The following CALCR variants were observed in gnomAD, a reference collection of about 807,000 sequenced individuals.
The protein encoded by CALCR is calcitonin receptor.
Under a neutral mutation model 59.5 loss-of-function variants are expected in CALCR, and 47 were observed. That is an observed-to-expected ratio of 0.79 (90% CI 0.63 to 1.01). CALCR has a LOEUF of 1.01. Among genes scored for constraint, CALCR ranks in the 50% least tolerant of loss-of-function variants. The pLI is 0.00. For missense variants in CALCR, 566 were observed against 597.1 expected, an observed-to-expected ratio of 0.95 and a Z score of 0.54; for synonymous variants, 213 against 211.3, an observed-to-expected ratio of 1.01 and a Z score of -0.07.
intron 2 of CALCR, among the ~76,000 whole-genome samples, chr7:93,503,070 T>C (rs920376210): frequency 6.6e-6 from 1 of 152,126 alleles, no homozygotes; most frequent in Non-Finnish European, 1.5e-5. Context: ...AGATTTGCTA[T>C]GTAAAAAATA....
At chr7:93,428,044 A>C (rs1799567907) in intron 13 of CALCR, among the ~76,000 whole-genome samples, 1 of 152,176 alleles carries the variant, frequency 6.6e-6, no homozygotes, top group South Asian at 2.1e-4. Flanking sequence ...TGCTTGCATG[A>C]AGGGTACTTT....
chr7:93,464,651 A>G (rs1296949816), intron 7 of CALCR, among the ~76,000 whole-genome samples: 2 of 151,978 alleles, frequency 1.3e-5, no homozygotes, highest in Non-Finnish European at 2.9e-5. Flanking sequence ...TTCTCTTTCA[A>G]TCAAAATTCT....
chr7:93,434,347 G>A, intron 12 of CALCR, 53 bp from the exon 13 acceptor site: 3 of 1,179,070 alleles, frequency 2.5e-6, no homozygotes, highest in Non-Finnish European at 3.7e-6. Context: ...GCATTATGTT[G>A]TTTAGTAAAC....
intron 8 of CALCR, among the ~76,000 whole-genome samples, chr7:93,458,806 G>A (rs1800260314): frequency 6.6e-6 from 1 of 151,914 alleles, no homozygotes; most frequent in Non-Finnish European, 1.5e-5. Flanking sequence ...AGATTCCAGC[G>A]TATTGTCTCC....
chr7:93,516,642 A>G (rs949114399), intron 2 of CALCR, among the ~76,000 whole-genome samples: 1 of 151,910 alleles, frequency 6.6e-6, no homozygotes, highest in East Asian at 1.9e-4. Context: ...AAGAATAAAT[A>G]CATGCATGTC....
intron 2 of CALCR, among the ~76,000 whole-genome samples, chr7:93,550,844 G>A (rs1188965067): frequency 6.6e-6 from 1 of 152,124 alleles, no homozygotes; most frequent in Non-Finnish European, 1.5e-5. Flanking sequence ...GTGCACCTGT[G>A]ATACCAGCTC....
chr7:93,459,329 T>A (rs1343808849), intron 8 of CALCR, among the ~76,000 whole-genome samples: 1 of 152,168 alleles, frequency 6.6e-6, no homozygotes, highest in African/African-American at 2.4e-5. Flanking sequence ...GAGTGCCTGC[T>A]CCCCGCTCCA....
intron 2 of CALCR, among the ~76,000 whole-genome samples, chr7:93,561,220 C>G (rs1789739265): frequency 6.6e-6 from 1 of 152,134 alleles, no homozygotes; most frequent in Admixed American, 6.5e-5. Context: ...GCACATGACT[C>G]AGTCAAAGTT....
intron 2 of CALCR, among the ~76,000 whole-genome samples, chr7:93,528,430 C>T (rs1233840329): frequency 6.6e-6 from 1 of 152,160 alleles, no homozygotes; most frequent in Non-Finnish European, 1.5e-5. Context: ...CTCCCCTCTT[C>T]CCCCAGCCCA....
chr7:93,521,372 A>T (rs1322955097), intron 2 of CALCR, among the ~76,000 whole-genome samples: 1 of 152,082 alleles, frequency 6.6e-6, no homozygotes, highest in Admixed American at 6.6e-5. Flanking sequence ...TACTGTCCAG[A>T]CCCTACTGGC....
chr7:93,523,155 T>C (rs376290654), intron 2 of CALCR, among the ~76,000 whole-genome samples: 8 of 152,210 alleles, frequency 5.3e-5, no homozygotes, highest in African/African-American at 1.4e-4. Flanking sequence ...GCTAATTTGT[T>C]TCCTTCCTTA....
intron 11 of CALCR, among the ~76,000 whole-genome samples, chr7:93,436,374 T>C (rs936018533): frequency 6.6e-6 from 1 of 152,166 alleles, no homozygotes; most frequent in African/African-American, 2.4e-5. Flanking sequence ...TCCAGCAGTA[T>C]ATAAAACAGT....
rs577805161 is a variant in CALCR, at chr7:93,508,412, A to AT, written c.-26-21406dup. Among the ~76,000 whole-genome samples, 36 of 151,982 alleles carry AT rather than the reference A, an allele frequency of 2.4e-4. 1 individual carries two copies. In the East Asian group the frequency reaches 4.3e-3, roughly 18 times the overall value. ...GGGTGGAACATTATTTTTTAAACAA[A>AT]TTTTTTTTTAATTTTTAACAAAATT... On this transcript the variant is annotated intron_variant, in intron 2 of 13. Coordinates refer to ENST00000426151, the MANE Select transcript of CALCR (RefSeq NM_001742.4).
intron 9 of CALCR, among the ~76,000 whole-genome samples, chr7:93,439,304 T>C (rs1195549756): frequency 1.3e-5 from 2 of 152,192 alleles, no homozygotes; most frequent in African/African-American, 4.8e-5. Flanking sequence ...CCTGAAATAA[T>C]TTTGAGTTTG....
At chr7:93,574,179 A>C (rs1460010426) in intron 2 of CALCR, 110 bp downstream of exon 2, 1 of 152,254 alleles carries the variant, frequency 6.6e-6, no homozygotes, top group Non-Finnish European at 1.5e-5. Flanking sequence ...CACCGCAATC[A>C]AACCACATTT....
intron 7 of CALCR, among the ~76,000 whole-genome samples, chr7:93,467,180 A>G (rs985198363): frequency 6.6e-6 from 1 of 151,864 alleles, no homozygotes. Context: ...AAGACATTCC[A>G]AGATTAATCA....
intron 8 of CALCR, among the ~76,000 whole-genome samples, chr7:93,448,842 C>T (rs1800054403): frequency 6.6e-6 from 1 of 151,904 alleles, no homozygotes; most frequent in South Asian, 2.1e-4. Context: ...GGCTACTTTA[C>T]AGTAAAAGAG....
At chr7:93,531,591 A>G (rs1788839637) in intron 2 of CALCR, among the ~76,000 whole-genome samples, 1 of 152,102 alleles carries the variant, frequency 6.6e-6, no homozygotes, top group African/African-American at 2.4e-5. Context: ...TACTCCTCAA[A>G]GCAATTTCAC....
At chr7:93,431,361 C>A (rs1009960080) in intron 13 of CALCR, among the ~76,000 whole-genome samples, 1 of 152,192 alleles carries the variant, frequency 6.6e-6, no homozygotes, top group Non-Finnish European at 1.5e-5. Context: ...AGCGGAGCAG[C>A]AACGGCTATG....
Sources: allele counts gnomAD v4.1 joint callset (sites outside exome capture counted in the v4.1 genomes callset), GRCh38; gene constraint gnomAD v4.1.1; transcripts MANE v1.5; gene names NCBI Gene and HGNC (gene_info 2026-07-23, HGNC 2026-07-21).